The following STK3 variants were observed in gnomAD, a reference collection of about 807,000 sequenced individuals.
The protein encoded by STK3 is serine/threonine-protein kinase 3.
A neutral mutation model predicts 58.0 loss-of-function variants in STK3; 41 were observed. That is an observed-to-expected ratio of 0.71 (90% CI 0.55 to 0.92). The LOEUF (loss-of-function observed/expected upper bound fraction) is 0.92. Among genes scored for constraint, STK3 ranks in the 40% least tolerant of loss-of-function variants. The pLI is 0.00. For synonymous variants in STK3, 170 were observed against 191.0 expected, an observed-to-expected ratio of 0.89 and a Z score of 0.91; for missense variants, 479 against 602.7, an observed-to-expected ratio of 0.79 and a Z score of 2.15.
intron 9 of STK3, among the ~76,000 whole-genome samples, chr8:98,539,828 A>C (rs1810088307): frequency 6.6e-6 from 1 of 152,034 alleles, no homozygotes; most frequent in African/African-American, 2.4e-5. Context: ...ATCTCAGCTC[A>C]CTGCAGCCTC....
chr8:98,865,576 C>G (rs1361932537), intron 3 of STK3, among the ~76,000 whole-genome samples: 1 of 152,094 alleles, frequency 6.6e-6, no homozygotes, highest in Non-Finnish European at 1.5e-5. Flanking sequence ...CTGTGTTGCC[C>G]AGGCTGGTCT....
chr8:98,375,811 C>T (rs1468564166), intron 2 of STK3, among the ~76,000 whole-genome samples: 1 of 152,088 alleles, frequency 6.6e-6, no homozygotes, highest in African/African-American at 2.4e-5. Flanking sequence ...CTTTCATCTA[C>T]TGGAGGACAT....
chr8:98,359,278 C>T, the STK3 span, among the ~76,000 whole-genome samples: 15 of 135,892 alleles, frequency 1.1e-4, no homozygotes, highest in Admixed American at 1.2e-3. Context: ...GAGGCCGAGG[C>T]GGGCGGATCA....
intron 1 of STK3, among the ~76,000 whole-genome samples, chr8:98,893,502 A>G (rs1387642259): frequency 1.4e-5 from 2 of 145,280 alleles, no homozygotes; most frequent in East Asian, 2.0e-4. Flanking sequence ...GAAAGAAAGA[A>G]AGAAAGAAAG....
In STK3 at chr8:98,812,574, A is replaced by G. The variant is rs181840451; in HGVS notation, c.26+12941T>C. Among the ~76,000 whole-genome samples the G allele has an allele frequency of 2.6e-4, 39 of 152,346 alleles. No homozygotes were observed. In the East Asian group the frequency reaches 5.0e-3, roughly 20 times the overall value. ...AAGGTTTATAAATCATGCTGCTATA[A>G]AGACATGCACACATATGTTTACTGT... On this transcript the variant is annotated intron_variant, in intron 1 of 10. Transcript: ENST00000419617.
At chr8:98,580,394 T>G (rs1449279653) in intron 7 of STK3, among the ~76,000 whole-genome samples, 1 of 152,244 alleles carries the variant, frequency 6.6e-6, no homozygotes, top group Non-Finnish European at 1.5e-5. Context: ...AGCTAAGCTC[T>G]CTATCATTCT....
intron 3 of STK3, among the ~76,000 whole-genome samples, chr8:98,433,327 G>A (rs1001775282): frequency 2.6e-5 from 4 of 152,284 alleles, no homozygotes; most frequent in East Asian, 1.9e-4. Flanking sequence ...CCCTGCTGCC[G>A]AAGTAGGCTC....
At chr8:98,900,682 G>A (rs1454074357) in intron 1 of STK3, among the ~76,000 whole-genome samples, 1 of 145,106 alleles carries the variant, frequency 6.9e-6, no homozygotes, top group Non-Finnish European at 1.5e-5. Context: ...TTTTTTCTGA[G>A]ACAGGGTCTT....
chr8:98,573,924 C>T (rs1009907511), intron 8 of STK3, among the ~76,000 whole-genome samples: 34 of 151,826 alleles, frequency 2.2e-4, no homozygotes, highest in Non-Finnish European at 8.8e-5. Flanking sequence ...GAGAGAGAAG[C>T]GCCGAGCAAA....
chr8:98,494,941 T>C (rs1383438192), intron 10 of STK3, among the ~76,000 whole-genome samples: 1 of 152,146 alleles, frequency 6.6e-6, no homozygotes, highest in Non-Finnish European at 1.5e-5. Context: ...CAGTCACTGA[T>C]TCAAACTTTC....
At chr8:98,940,763 T>C (rs559226550) in intron 1 of STK3, among the ~76,000 whole-genome samples, 1 of 152,190 alleles carries the variant, frequency 6.6e-6, no homozygotes, top group Non-Finnish European at 1.5e-5. Context: ...AACTGGTATC[T>C]TTCTCCTCCT....
At chr8:98,359,344 TAAAAAAAAAAA>T in the STK3 span, among the ~76,000 whole-genome samples, 5 of 55,712 alleles carry the variant, frequency 9.0e-5, no homozygotes, top group South Asian at 1.7e-3. Flanking sequence ...CCATCTCAAC[TAAAAAAAAAAA>T]AAAAAAAAAA....
intron 8 of STK3, among the ~76,000 whole-genome samples, chr8:98,558,616 T>A (rs1166501448): frequency 6.6e-6 from 1 of 152,122 alleles, no homozygotes; most frequent in East Asian, 1.9e-4. Context: ...TATGATTGTA[T>A]ATATCTTATG....
At chr8:98,424,802 G>C (rs1368174735) in intron 3 of STK3, among the ~76,000 whole-genome samples, 3 of 152,194 alleles carry the variant, frequency 2.0e-5, no homozygotes, top group Non-Finnish European at 2.9e-5. Flanking sequence ...AGCTAAACCA[G>C]AATAGCCAGG....
intron 3 of STK3, among the ~76,000 whole-genome samples, chr8:98,755,586 T>A (rs1830238773): frequency 6.6e-6 from 1 of 152,204 alleles, no homozygotes; most frequent in Non-Finnish European, 1.5e-5. Context: ...CTTTCTCCAC[T>A]GAACTGCTGT....
chr8:98,731,772 C>T (rs1458066588), intron 4 of STK3, among the ~76,000 whole-genome samples: 1 of 151,872 alleles, frequency 6.6e-6, no homozygotes, highest in Non-Finnish European at 1.5e-5. Context: ...AGGCCCTTTC[C>T]CTTAAAAGCT....
intron 1 of STK3, among the ~76,000 whole-genome samples, chr8:98,814,878 T>C (rs1834451241): frequency 1.3e-5 from 2 of 151,990 alleles, no homozygotes; most frequent in Non-Finnish European, 2.9e-5. Flanking sequence ...AACCAGGTTT[T>C]GCCATGTTGC....
intron 6 of STK3, among the ~76,000 whole-genome samples, chr8:98,637,798 A>T (rs539400479): frequency 6.6e-6 from 1 of 152,366 alleles, no homozygotes; most frequent in South Asian, 2.1e-4. Flanking sequence ...ACACAAAAAA[A>T]GATGGTCTAA....
chr8:98,852,856 C>T (rs1008821989), intron 3 of STK3, among the ~76,000 whole-genome samples: 2 of 152,294 alleles, frequency 1.3e-5, no homozygotes, highest in South Asian at 2.1e-4. Flanking sequence ...TCCAGATACA[C>T]ATCATACTAA....
Sources: gnomAD v4.1 joint callset for allele counts (sites outside exome capture counted in the v4.1 genomes callset) on GRCh38, gnomAD v4.1.1 for gene constraint, MANE v1.5 for transcripts, NCBI Gene and HGNC (gene_info 2026-07-23, HGNC 2026-07-21) for gene names.